PDE10A: variants seen among roughly 807,000 people sequenced by gnomAD.
PDE10A encodes the protein cAMP and cAMP-inhibited cGMP 3',5'-cyclic phosphodiesterase 10A.
A neutral mutation model predicts 97.7 loss-of-function variants in PDE10A; 39 were observed. The ratio of observed to expected loss-of-function variants is 0.40; its 90% CI spans 0.31 to 0.52. The LOEUF is 0.52. Ranked by LOEUF, PDE10A falls within the 20% of genes least tolerant of loss-of-function variation. The pLI is 0.56. For synonymous variants in PDE10A, 371 were observed against 376.8 expected, an observed-to-expected ratio of 0.98 and a Z score of 0.18; for missense variants, 731 against 1,047.8, an observed-to-expected ratio of 0.70 and a Z score of 4.17.
chr6:165,839,347 G>A (rs550011748), intron 1 of PDE10A, among the ~76,000 whole-genome samples: 51 of 152,280 alleles, frequency 3.3e-4, no homozygotes, highest in African/African-American at 1.1e-3. Context: ...CTTTTAATGA[G>A]AAATTGACTA....
intron 1 of PDE10A, among the ~76,000 whole-genome samples, chr6:165,592,855 T>G (rs1786359296): frequency 6.6e-6 from 1 of 152,230 alleles, no homozygotes; most frequent in Admixed American, 6.5e-5. Flanking sequence ...TTGGTGGGAC[T>G]TTAAACTAGT....
At chr6:165,803,050 C>T (rs2128465824) in intron 1 of PDE10A, among the ~76,000 whole-genome samples, 1 of 152,284 alleles carries the variant, frequency 6.6e-6, no homozygotes, top group Admixed American at 6.5e-5. Context: ...TGATACATTG[C>T]CGATAATTAA....
chr6:165,835,072 G>T (rs1379310082), intron 1 of PDE10A, among the ~76,000 whole-genome samples: 5 of 152,194 alleles, frequency 3.3e-5, no homozygotes, highest in African/African-American at 1.2e-4. Context: ...GCGGGAGGCA[G>T]TGCACAGAGG....
chr6:165,833,580 C>T (rs1438227926), intron 1 of PDE10A, among the ~76,000 whole-genome samples: 1 of 152,256 alleles, frequency 6.6e-6, no homozygotes, highest in Non-Finnish European at 1.5e-5. Flanking sequence ...GAGGAGCAGG[C>T]AGTGCCCCAG....
At chr6:165,691,732 G>C (rs1441159288) in intron 1 of PDE10A, among the ~76,000 whole-genome samples, 2 of 152,206 alleles carry the variant, frequency 1.3e-5, no homozygotes, top group Admixed American at 6.5e-5. Context: ...CTCCAAGCCT[G>C]TTCCTCCCAG....
chr6:165,596,871 G>A lies in PDE10A; in HGVS notation c.866-53303C>T, dbSNP rs184639860. ...GCTCTCCTCCTCTACTGACATGGCC[G>A]CCTTGCAGTGCCTCCAAATATGCCA... On this transcript the variant is annotated intron_variant, in intron 1 of 21. Transcript: ENST00000539869. Among the ~76,000 whole-genome samples, 13 of 152,172 alleles carry A rather than the reference G, an allele frequency of 8.5e-5. 2 individuals are homozygous for A. Among genetic ancestry groups the A allele is most frequent in the Admixed American group, 5.9e-4 (9 of 15,288 alleles).
chr6:165,474,111 G>A (rs1779165323), intron 3 of PDE10A, among the ~76,000 whole-genome samples: 1 of 152,174 alleles, frequency 6.6e-6, no homozygotes, highest in Non-Finnish European at 1.5e-5. Context: ...TTGGGGGAAT[G>A]TCTTTTATAG....
chr6:165,835,690 G>A (rs1013566111), intron 1 of PDE10A, among the ~76,000 whole-genome samples: 87 of 152,220 alleles, frequency 5.7e-4, no homozygotes, highest in South Asian at 1.9e-3. Context: ...CTGAGAGACC[G>A]GAGCTCCCGC....
chr6:165,585,184 T>A (rs1160001967), intron 1 of PDE10A, among the ~76,000 whole-genome samples: 2 of 152,112 alleles, frequency 1.3e-5, no homozygotes, highest in African/African-American at 4.8e-5. Flanking sequence ...GGTTAACACA[T>A]TTTTGGTTGT....
chr6:165,719,817 G>A (rs891846155), intron 1 of PDE10A, among the ~76,000 whole-genome samples: 11 of 152,178 alleles, frequency 7.2e-5, no homozygotes, highest in Non-Finnish European at 1.2e-4. Flanking sequence ...GAAGAAACAA[G>A]ACTAATACTA....
chr6:165,411,666 T>C (rs1054954120), intron 13 of PDE10A, among the ~76,000 whole-genome samples: 51 of 152,286 alleles, frequency 3.3e-4, no homozygotes, highest in African/African-American at 1.2e-3. Context: ...AGTGAAAAAA[T>C]AAGATAATGT....
At chr6:165,426,953 G>A (rs1583263340) in intron 10 of PDE10A, among the ~76,000 whole-genome samples, 2 of 152,158 alleles carry the variant, frequency 1.3e-5, no homozygotes, top group South Asian at 4.2e-4. Context: ...TAATGAAAAA[G>A]TCAGATAATA....
At position 165,655,493 on chromosome 6, in the gene PDE10A, G is replaced by A. The variant is rs1275786197; in HGVS notation, c.865+6454C>T. ...TCTTGATTCCTCTCTCTCCCTTGACGTCCCCATATCCAACCCACCTGCAGG... is the reference window on the plus strand; with the variant it reads ...TCTTGATTCCTCTCTCTCCCTTGACATCCCCATATCCAACCCACCTGCAGG... On this transcript the variant is annotated intron_variant, in intron 1 of 21. Coordinates refer to ENST00000539869, the MANE Select transcript of PDE10A (RefSeq NM_001385079.1). The surrounding 1 kb of genome is among the most constrained non-coding windows in gnomAD (Gnocchi z 4.5). Among the ~76,000 whole-genome samples the A allele has an allele frequency of 2.7e-5, 4 of 147,932 alleles. No individual in the cohort carries two copies. The highest frequency in any genetic ancestry group is 2.1e-4 in the East Asian group (1 of 4,852).
At chr6:165,933,535 T>C (rs929590341) in intron 1 of PDE10A, among the ~76,000 whole-genome samples, 2 of 152,190 alleles carry the variant, frequency 1.3e-5, no homozygotes, top group Admixed American at 6.5e-5. Context: ...AAGCATTGCT[T>C]CTCATTTTTT....
chr6:165,599,935 G>T (rs1338350847), intron 1 of PDE10A, among the ~76,000 whole-genome samples: 1 of 152,048 alleles, frequency 6.6e-6, no homozygotes, highest in Non-Finnish European at 1.5e-5. Context: ...ACACTGATGG[G>T]GTCTCCCATT....
Position 165,746,315 on chromosome 6 carries a change from G to A in PDE10A, c.-614-202747C>T, listed in dbSNP as rs139003746. 1.4e-3 allele frequency among the ~76,000 whole-genome samples: 211 copies of A among 152,328 alleles called. 1 individual carries two copies. Among genetic ancestry groups the A allele is most frequent in the Non-Finnish European group, 2.1e-3 (144 of 68,032 alleles). ...GCTTGGAGCTGGTGTTGACACTTGC[G>A]TGGGGTACATTTATTGACTCTTTCA... On this transcript the variant is annotated intron_variant, in intron 1 of 19. Transcript: ENST00000366882.
chr6:165,733,579 G>T (rs1042072370), intron 1 of PDE10A, among the ~76,000 whole-genome samples: 1 of 152,194 alleles, frequency 6.6e-6, no homozygotes, highest in Non-Finnish European at 1.5e-5. Context: ...TAGAGCATTA[G>T]CACGTTATTA....
intron 3 of PDE10A, among the ~76,000 whole-genome samples, chr6:165,470,028 T>C (rs376432392): frequency 5.3e-5 from 8 of 152,160 alleles, no homozygotes; most frequent in African/African-American, 1.9e-4. Flanking sequence ...AGTGAGGGCA[T>C]TGGTGTTTAG....
At chr6:165,804,935 G>T (rs1388700904) in intron 1 of PDE10A, among the ~76,000 whole-genome samples, 1 of 150,590 alleles carries the variant, frequency 6.6e-6, no homozygotes, top group East Asian at 2.0e-4. Flanking sequence ...GAGCATGGAG[G>T]GACGTGGGGA....
Sources: gnomAD v4.1 joint callset for allele counts (sites outside exome capture counted in the v4.1 genomes callset) on GRCh38, gnomAD v4.1.1 for gene constraint, Gnocchi (gnomAD v3.1) non-coding constraint, MANE v1.5 for transcripts, NCBI Gene and HGNC (gene_info 2026-07-23, HGNC 2026-07-21) for gene names.